Variants in STAC observed in about 807,000 individuals in gnomAD.
STAC encodes SH3 and cysteine rich domain.
Under a neutral mutation model 48.8 loss-of-function variants are expected in STAC, and 43 were observed. That is an observed-to-expected ratio of 0.88 (90% CI 0.69 to 1.14). STAC has a LOEUF of 1.14. Ranked by LOEUF, STAC falls within the 50% of genes most tolerant of loss-of-function variation. The pLI is 0.00. For missense variants in STAC, 497 were observed against 504.0 expected (o/e 0.99, Z 0.13); for synonymous variants, 193 against 179.5 (o/e 1.07, Z -0.60).
intron 10 of STAC, among the ~76,000 whole-genome samples, chr3:36,534,941 A>C (rs1203434568): frequency 6.6e-6 from 1 of 152,144 alleles, no homozygotes; most frequent in Non-Finnish European, 1.5e-5. Context: ...TTACAGGCAT[A>C]AGCCACTGCA....
chr3:36,406,325 G>T (rs1370059539), intron 1 of STAC, among the ~76,000 whole-genome samples: 1 of 152,234 alleles, frequency 6.6e-6, no homozygotes, highest in Non-Finnish European at 1.5e-5. Flanking sequence ...CTGCAGTGCA[G>T]TTACAGCAAA....
chr3:36,428,306 C>T (rs1212768472), intron 1 of STAC, among the ~76,000 whole-genome samples: 1 of 152,106 alleles, frequency 6.6e-6, no homozygotes, highest in Non-Finnish European at 1.5e-5. Flanking sequence ...AATAAGAGAT[C>T]CTGATGCTTG....
At chr3:36,439,289 T>G (rs561528975) in intron 1 of STAC, among the ~76,000 whole-genome samples, 11 of 152,302 alleles carry the variant, frequency 7.2e-5, no homozygotes, top group African/African-American at 2.6e-4. Context: ...GGTGAAGCAC[T>G]TAGCTCAGCT....
intron 2 of STAC, among the ~76,000 whole-genome samples, chr3:36,467,871 C>T (rs1420959485): frequency 6.6e-6 from 1 of 151,758 alleles, no homozygotes; most frequent in Non-Finnish European, 1.5e-5. Flanking sequence ...TTTGTTATTT[C>T]TTTTCTTTTG....
intron 2 of STAC, among the ~76,000 whole-genome samples, chr3:36,476,441 G>T (rs780092162): frequency 3.3e-5 from 5 of 152,256 alleles, no homozygotes; most frequent in Non-Finnish European, 7.4e-5. Flanking sequence ...GGCAGCATGA[G>T]CCGCCCTCAA....
At position 36,443,383 on chromosome 3, in the gene STAC, C is replaced by A; in HGVS notation, c.131C>A (p.Ser44Ter). 6.2e-7 allele frequency: 1 copy of A among 1,614,190 alleles called. No individual in the cohort carries two copies. The highest frequency in any genetic ancestry group is 1.1e-5 in the South Asian group (1 of 91,054). The change falls in exon 2 of 11, where the codon TCA (serine) becomes TAA (stop). Residue 44 changes from serine (S) to a stop codon, truncating the protein, a stop_gained. Transcript: ENST00000273183. LOFTEE classifies it high-confidence loss of function. This position sits in a 1 kb window ranked among gnomAD's most constrained non-coding sequence, Gnocchi z 4.2. Reference protein sequence around the residue: ...QESKLQKLKRSLSFKTKSLRS... With the variant: ...QESKLQKLKR ...TTGCAGCTCCAGAAACTAAAACGAT[C>A]ACTTTCTTTCAAGACCAAGAGTTTA... is the stretch of plus-strand genomic sequence containing the variant.
At chr3:36,504,571 G>C (rs1292757744) in intron 7 of STAC, 114 bp downstream of exon 7, 2 of 812,076 alleles carry the variant, frequency 2.5e-6, no homozygotes, top group African/African-American at 1.7e-5. Flanking sequence ...AGCATCTTTA[G>C]AGAATAGAAT....
intron 6 of STAC, among the ~76,000 whole-genome samples, chr3:36,494,277 C>T (rs1013631596): frequency 6.6e-6 from 1 of 151,928 alleles, no homozygotes; most frequent in Admixed American, 6.6e-5. Flanking sequence ...TTAACCTTCA[C>T]TAGTTTATCA....
chr3:36,398,343 G>GAAAGAAAGAAAGAAAA (rs1699902815), intron 1 of STAC, among the ~76,000 whole-genome samples: 2 of 133,286 alleles, frequency 1.5e-5, no homozygotes, highest in Non-Finnish European at 3.2e-5. Context: ...AAGAAAGAAA[G>GAAAGAAAGAAAGAAAA]AAAGAAAGAA....
At chr3:36,459,798 A>G (rs1386338588) in intron 2 of STAC, among the ~76,000 whole-genome samples, 1 of 152,172 alleles carries the variant, frequency 6.6e-6, no homozygotes, top group Non-Finnish European at 1.5e-5. Context: ...AAAGAGGGGG[A>G]GAATAACTAA....
At chr3:36,461,101 TGTATATGCA>T (rs1305479746) in intron 2 of STAC, among the ~76,000 whole-genome samples, 1 of 152,214 alleles carries the variant, frequency 6.6e-6, no homozygotes, top group Non-Finnish European at 1.5e-5. Context: ...TTTACATGTA[TGTATATGCA>T]TATTTTGAAT....
At chr3:36,478,860 C>G (rs1697564542) in intron 2 of STAC, among the ~76,000 whole-genome samples, 1 of 152,162 alleles carries the variant, frequency 6.6e-6, no homozygotes, top group South Asian at 2.1e-4. Context: ...TGGCCTCAAA[C>G]TCCTGGCCTC....
At chr3:36,430,984 A>G (rs957262163) in intron 1 of STAC, among the ~76,000 whole-genome samples, 1 of 152,214 alleles carries the variant, frequency 6.6e-6, no homozygotes, top group Non-Finnish European at 1.5e-5. Context: ...TAAGAATTTG[A>G]GGAGGGATAC....
chr3:36,512,554 G>GAA (rs111643508), intron 8 of STAC, among the ~76,000 whole-genome samples: 5 of 149,478 alleles, frequency 3.3e-5, no homozygotes, highest in African/African-American at 9.8e-5. Flanking sequence ...AGTAATTTCA[G>GAA]AAAAAAAAAA....
At chr3:36,536,715 A>C (rs1227143131) in intron 10 of STAC, among the ~76,000 whole-genome samples, 1 of 152,162 alleles carries the variant, frequency 6.6e-6, no homozygotes, top group Non-Finnish European at 1.5e-5. Context: ...CTGCACAGCA[A>C]AAGAAACTAT....
chr3:36,438,659 C>T (rs1235561363), intron 1 of STAC, among the ~76,000 whole-genome samples: 3 of 152,178 alleles, frequency 2.0e-5, no homozygotes, highest in Non-Finnish European at 4.4e-5. Context: ...TGGCTTCATA[C>T]AATTTCCAAG....
chr3:36,402,415 A>G (rs977089233), intron 1 of STAC, among the ~76,000 whole-genome samples: 3 of 152,168 alleles, frequency 2.0e-5, no homozygotes, highest in East Asian at 1.9e-4. Flanking sequence ...ACGATCTTGT[A>G]TGCATTATTC....
At position 36,380,513 on chromosome 3, in the gene STAC, G is replaced by A. The variant is rs1165911899; in HGVS notation, c.-131G>A. The A allele has an allele frequency of 7.5e-6, 5 of 663,128 alleles. No individual in the cohort carries two copies. The highest frequency in any genetic ancestry group is 1.3e-5 in the Non-Finnish European group (5 of 384,448). The allele number at this position is 663,128 out of a possible 1,614,324, so 41.1% of individuals were successfully genotyped here. ...AGGGAGCGAGGCTGGAGGAGGGCAC[G>A]TCGGCGCCTCGGCGAGGATGGGAGT... On this transcript the variant is annotated 5_prime_UTR_variant, in exon 1 of 11. Coordinates refer to ENST00000273183, the MANE Select transcript of STAC (RefSeq NM_003149.3).
chr3:36,539,762 G>A (rs1699280477), intron 10 of STAC, among the ~76,000 whole-genome samples: 1 of 152,088 alleles, frequency 6.6e-6, no homozygotes, highest in African/African-American at 2.4e-5. Flanking sequence ...ACTGCATTCA[G>A]TATGTCTGAA....
Sources: allele counts gnomAD v4.1 joint callset (sites outside exome capture counted in the v4.1 genomes callset), GRCh38; gene constraint gnomAD v4.1.1; non-coding constraint Gnocchi (gnomAD v3.1); transcripts MANE v1.5; gene names NCBI Gene and HGNC (gene_info 2026-07-23, HGNC 2026-07-21).